Variants in MS4A18 observed in about 807,000 individuals in gnomAD.
MS4A18 encodes membrane-spanning 4-domains subfamily A member 18.
Under a neutral mutation model 13.1 loss-of-function variants are expected in MS4A18, and 27 were observed. That is an observed-to-expected ratio of 2.06 (90% CI 1.52 to 2.84). MS4A18 has a LOEUF of 2.84. Ranked by LOEUF, MS4A18 falls within the 30% of genes most tolerant of loss-of-function variation. The pLI is 0.00. For missense variants in MS4A18, 307 were observed against 196.4 expected, an observed-to-expected ratio of 1.56 and a Z score of -3.37; for synonymous variants, 126 against 76.5, an observed-to-expected ratio of 1.65 and a Z score of -3.38.
At chr11:60,740,997 G>C (rs1172030449) in intron 4 of MS4A18, 33 bp from the exon 6 acceptor site, 4 of 702,958 alleles carry the variant, frequency 5.7e-6, no homozygotes, top group East Asian at 2.7e-5. Flanking sequence ...CAACCTGAAG[G>C]ACTAAATGCC....
chr11:60,728,951 C>G (rs986588381), upstream of MS4A18, among the ~76,000 whole-genome samples: 1 of 152,136 alleles, frequency 6.6e-6, no homozygotes, highest in African/African-American at 2.4e-5. Context: ...CCAGATCAAT[C>G]AGCTTTGCCA....
intron 2 of MS4A18, among the ~76,000 whole-genome samples, chr11:60,734,784 C>CTTTTT (rs546950110): frequency 2.9e-5 from 4 of 138,834 alleles, no homozygotes; most frequent in South Asian, 2.3e-4. Flanking sequence ...CTTTTCTTTT[C>CTTTTT]TTTTTTTTTT....
At chr11:60,740,685 G>C (rs1034219692) in intron 4 of MS4A18, among the ~76,000 whole-genome samples, 2 of 152,128 alleles carry the variant, frequency 1.3e-5, no homozygotes, top group African/African-American at 4.8e-5. Context: ...AAGAGAGCTG[G>C]GGTATTTATA....
intron 2 of MS4A18, among the ~76,000 whole-genome samples, chr11:60,735,246 C>T (rs924791156): frequency 6.6e-6 from 1 of 152,174 alleles, no homozygotes; most frequent in Non-Finnish European, 1.5e-5. Flanking sequence ...AAAAACAAAG[C>T]ATCACACGTG....
chr11:60,731,050 C>T (rs1157568509), intron 1 of MS4A18, among the ~76,000 whole-genome samples: 2 of 151,812 alleles, frequency 1.3e-5, no homozygotes, highest in Non-Finnish European at 2.9e-5. Context: ...GCCGAGACAG[C>T]GCCACTGCAC....
intron 2 of MS4A18, 74 bp from the exon 4 acceptor site, chr11:60,736,904 T>C (rs972820309): frequency 2.9e-6 from 2 of 679,450 alleles, no homozygotes; most frequent in African/African-American, 3.6e-5. Flanking sequence ...GAAATGCGTC[T>C]CTGAGTGGAC....
In MS4A18 at chr11:60,737,876, C is replaced by A. The variant is rs557996092; in HGVS notation, c.648+842C>A. ...TCTGCAAGGCAAACTCCTGTGGCCC[C>A]ACAATCTGCCTTGCTTCACCCCCTT... On this transcript the variant is annotated intron_variant, in intron 3 of 5. Transcript: ENST00000529108. Among the ~76,000 whole-genome samples the A allele has an allele frequency of 2.6e-5, 4 of 152,330 alleles. No individual in the cohort carries two copies. The South Asian group carries it at 8.3e-4, about 32-fold the overall frequency.
chr11:60,735,661 C>CTTTTTTTTTTTTT lies in MS4A18; in HGVS notation c.592-1307_592-1295dup, dbSNP rs1167113182. The stretch of plus-strand genomic sequence containing the variant: ...CGATTTAATGTTTTTCATTCCCTTG[C>CTTTTTTTTTTTTT]TTTTTTTTTTTTTTTTTTTTTTGAG... On this transcript the variant is annotated intron_variant, in intron 2 of 5. Transcript: ENST00000529108. Among the ~76,000 whole-genome samples, 11 of 90,110 alleles carry CTTTTTTTTTTTTT rather than the reference C, an allele frequency of 1.2e-4. 1 individual carries two copies. Among genetic ancestry groups the CTTTTTTTTTTTTT allele is most frequent in the African/African-American group, 5.0e-4 (10 of 19,840 alleles). The allele number at this position is 90,110 out of a possible 152,430, so 59.1% of individuals were successfully genotyped here. A position where few individuals can be genotyped will look rare whatever the true frequency, so the allele number is the denominator to read the frequency against.
intron 1 of MS4A18, among the ~76,000 whole-genome samples, chr11:60,732,207 G>C (rs1318828174): frequency 6.6e-6 from 1 of 152,092 alleles, no homozygotes; most frequent in South Asian, 2.1e-4. Context: ...TGGTCCTTAA[G>C]GGAAGGATAG....
At chr11:60,733,388 A>G (rs927189566) in intron 1 of MS4A18, 146 bp from the exon 3 acceptor site, 20 of 622,684 alleles carry the variant, frequency 3.2e-5, no homozygotes, top group Non-Finnish European at 2.6e-5. Flanking sequence ...CTACCCTCAG[A>G]GATTTGTATC....
chr11:60,727,837 T>A (rs1366738792), upstream of MS4A18, among the ~76,000 whole-genome samples: 1 of 152,178 alleles, frequency 6.6e-6, no homozygotes, highest in Admixed American at 6.5e-5. Flanking sequence ...GCCTACCTCC[T>A]CCCATTGCAC....
chr11:60,727,791 C>T (rs565432328), upstream of MS4A18, among the ~76,000 whole-genome samples: 1 of 152,286 alleles, frequency 6.6e-6, no homozygotes, highest in Admixed American at 6.5e-5. Context: ...GATATCTTCG[C>T]ATCTAATAAT....
chr11:60,737,067 A>G, intron 3 of MS4A18, 33 bp downstream of exon 4: 1 of 699,856 alleles, frequency 1.4e-6, no homozygotes, highest in Non-Finnish European at 2.6e-6. Context: ...ATGATCCTTG[A>G]ATGTTAGAAT....
At chr11:60,726,523 C>G (rs1252264315), upstream of MS4A18, among the ~76,000 whole-genome samples, 1 of 152,102 alleles carries the variant, frequency 6.6e-6, no homozygotes, top group African/African-American at 2.4e-5. Flanking sequence ...ATCCTTGCCC[C>G]TGGACTTTCT....
At position 60,740,875 on chromosome 11, in the gene MS4A18, A is replaced by G. The variant is rs1853404449; in HGVS notation, c.745-155A>G. 2.6e-5 allele frequency among the ~76,000 whole-genome samples: 4 copies of G among 152,296 alleles called. 1 individual carries two copies. The highest frequency in any genetic ancestry group is 9.6e-5 in the African/African-American group (4 of 41,574). On this transcript the variant is annotated intron_variant, in intron 4 of 5. Transcript: ENST00000529108. ...GTGACTAAGAGGGTAAGGCAAGGGC[A>G]TATAAAATGGGTGACCCAAGCACCT... is the stretch of plus-strand genomic sequence containing the variant.
chr11:60,736,904 T>G (rs972820309), intron 2 of MS4A18, 74 bp from the exon 4 acceptor site: 62 of 679,450 alleles, frequency 9.1e-5, no homozygotes, highest in Non-Finnish European at 1.4e-4. Context: ...GAAATGCGTC[T>G]CTGAGTGGAC....
chr11:60,729,004 A>G (rs113044544), upstream of MS4A18, among the ~76,000 whole-genome samples: 155 of 152,336 alleles, frequency 1.0e-3, 1 homozygote, highest in African/African-American at 3.6e-3. Flanking sequence ...CCCACTCAAC[A>G]AACTCAAGGC....
exon 5 of MS4A18, chr11:60,741,143 G>C (rs1299243718): frequency 2.8e-6 from 2 of 703,026 alleles, no homozygotes; most frequent in South Asian, 3.0e-5. Flanking sequence ...GACAATTTGA[G>C]GTAAGCATTG....
chr11:60,743,574 A>G (rs140674318), intron 5 of MS4A18, 76 bp from the exon 7 acceptor site: 1 of 661,152 alleles, frequency 1.5e-6, no homozygotes, highest in Admixed American at 2.1e-5. Context: ...TGGAAACAGA[A>G]GGAAGAAAAA....
Sources: allele counts gnomAD v4.1 joint callset (sites outside exome capture counted in the v4.1 genomes callset), GRCh38; gene constraint gnomAD v4.1.1; transcripts MANE v1.5; gene names NCBI Gene and HGNC (gene_info 2026-07-23, HGNC 2026-07-21).